Variants in ZNF385D observed in about 807,000 individuals in gnomAD.
ZNF385D encodes the protein zinc finger protein 385D, also known as zinc finger protein 659.
A neutral mutation model predicts 35.8 loss-of-function variants in ZNF385D; 15 were observed. That is an observed-to-expected ratio of 0.42 (90% CI 0.28 to 0.64). The LOEUF (loss-of-function observed/expected upper bound fraction) is 0.64, where lower values mean the gene tolerates loss of function less well. Among genes scored for constraint, ZNF385D ranks in the 30% least tolerant of loss-of-function variants. The pLI, the probability that ZNF385D is intolerant of heterozygous loss-of-function variation, is 0.23. For synonymous variants in ZNF385D, 212 were observed against 186.8 expected, an observed-to-expected ratio of 1.13 and a Z score of -1.10; for missense variants, 474 against 494.6, an observed-to-expected ratio of 0.96 and a Z score of 0.39.
intron 2 of ZNF385D, among the ~76,000 whole-genome samples, chr3:22,187,721 A>G (rs1695731973): frequency 6.6e-6 from 1 of 152,208 alleles, no homozygotes; most frequent in Non-Finnish European, 1.5e-5. Context: ...ATTGGTTTAT[A>G]ACTTGTGGAG....
At position 21,628,738 on chromosome 3, in the gene ZNF385D, C is replaced by G. The variant is rs138783612; in HGVS notation, c.165+36148G>C. Reference sequence around the variant, plus strand: ...TAAGTCTAGGAAGGGGCCAGGGAATCTGAATTGTGATAAGCACTCCTGGTG... The same window carrying G: ...TAAGTCTAGGAAGGGGCCAGGGAATGTGAATTGTGATAAGCACTCCTGGTG... On this transcript the variant is annotated intron_variant, in intron 2 of 7. Transcript: ENST00000281523. Among the ~76,000 whole-genome samples the G allele has an allele frequency of 1.6e-3, 250 of 152,118 alleles. 2 individuals carry two copies. Among genetic ancestry groups the G allele is most frequent in the Admixed American group, 3.7e-3 (56 of 15,264 alleles).
intron 2 of ZNF385D, among the ~76,000 whole-genome samples, chr3:22,275,435 G>A (rs1701378894): frequency 6.6e-6 from 1 of 151,972 alleles, no homozygotes; most frequent in Non-Finnish European, 1.5e-5. Flanking sequence ...AAAGTACAAT[G>A]GTTCTTTGAC....
intron 3 of ZNF385D, among the ~76,000 whole-genome samples, chr3:21,796,887 G>A (rs1287016013): frequency 6.6e-6 from 1 of 152,148 alleles, no homozygotes; most frequent in Non-Finnish European, 1.5e-5. Context: ...TACACAGTGG[G>A]TGATACAGGA....
chr3:21,663,347 A>C (rs1242022073), intron 2 of ZNF385D, among the ~76,000 whole-genome samples: 2 of 152,150 alleles, frequency 1.3e-5, no homozygotes, highest in Non-Finnish European at 2.9e-5. Flanking sequence ...CAAAAGTTTT[A>C]AATCCAGCCT....
intron 3 of ZNF385D, among the ~76,000 whole-genome samples, chr3:21,977,419 G>A (rs1576062210): frequency 6.6e-6 from 1 of 152,236 alleles, no homozygotes; most frequent in Middle Eastern, 3.4e-3. Flanking sequence ...AATATTGGTT[G>A]TATTTGGCTT....
intron 2 of ZNF385D, among the ~76,000 whole-genome samples, chr3:21,650,926 T>C (rs892098272): frequency 6.6e-6 from 1 of 152,140 alleles, no homozygotes; most frequent in African/African-American, 2.4e-5. Context: ...TATGTTAGCT[T>C]TTATTTTTGC....
intron 2 of ZNF385D, among the ~76,000 whole-genome samples, chr3:22,352,185 G>C (rs538698825): frequency 7.9e-5 from 12 of 151,964 alleles, no homozygotes; most frequent in African/African-American, 2.9e-4. Context: ...TACTTTTCCC[G>C]GCACATGTGA....
chr3:21,770,903 G>A (rs1183235331), intron 3 of ZNF385D, among the ~76,000 whole-genome samples: 7 of 152,092 alleles, frequency 4.6e-5, no homozygotes, highest in African/African-American at 9.7e-5. Context: ...GGAATACAAT[G>A]CAGCCATAAA....
chr3:21,795,412 T>G (rs1296761058), intron 3 of ZNF385D, among the ~76,000 whole-genome samples: 1 of 152,234 alleles, frequency 6.6e-6, no homozygotes, highest in Non-Finnish European at 1.5e-5. Context: ...GCGGGGCACA[T>G]AGCCATTAGC....
chr3:22,224,727 C>G (rs1698454344), intron 2 of ZNF385D, among the ~76,000 whole-genome samples: 1 of 152,174 alleles, frequency 6.6e-6, no homozygotes, highest in Non-Finnish European at 1.5e-5. Flanking sequence ...CCCATCACTA[C>G]TCACTGATAA....
At chr3:21,781,437 A>C (rs566761938) in intron 3 of ZNF385D, among the ~76,000 whole-genome samples, 1 of 152,104 alleles carries the variant, frequency 6.6e-6, no homozygotes, top group Non-Finnish European at 1.5e-5. Flanking sequence ...AATCTGGCAC[A>C]GCAAACATTA....
At chr3:21,434,073 G>C (rs187122920) in intron 5 of ZNF385D, among the ~76,000 whole-genome samples, 3 of 152,286 alleles carry the variant, frequency 2.0e-5, no homozygotes, top group African/African-American at 7.2e-5. Context: ...TAAATATGAA[G>C]AAATAGAATC....
chr3:22,077,873 C>T (rs868589804), intron 3 of ZNF385D, among the ~76,000 whole-genome samples: 2 of 151,854 alleles, frequency 1.3e-5, no homozygotes, highest in South Asian at 4.2e-4. Flanking sequence ...GTGAGACACC[C>T]CCCACTCCAC....
At chr3:22,137,665 T>C (rs1335999006) in intron 3 of ZNF385D, among the ~76,000 whole-genome samples, 1 of 152,182 alleles carries the variant, frequency 6.6e-6, no homozygotes, top group Admixed American at 6.5e-5. Context: ...TGATGGGACG[T>C]ATCTCAAAAT....
chr3:21,550,941 T>C (rs1457985925), intron 3 of ZNF385D, among the ~76,000 whole-genome samples: 1 of 152,234 alleles, frequency 6.6e-6, no homozygotes, highest in East Asian at 1.9e-4. Context: ...TAATGAATGC[T>C]TGACAGTCCT....
At chr3:21,753,760 T>G (rs1046645097), upstream of ZNF385D, among the ~76,000 whole-genome samples, 1 of 87,000 alleles carries the variant, frequency 1.1e-5, no homozygotes, top group South Asian at 5.2e-4. Flanking sequence ...AAAATGCAAC[T>G]TTGGTGGTTG....
chr3:21,605,888 A>C (rs2064464308), intron 2 of ZNF385D, among the ~76,000 whole-genome samples: 1 of 152,208 alleles, frequency 6.6e-6, no homozygotes, highest in Non-Finnish European at 1.5e-5. Flanking sequence ...AATCCACACT[A>C]TCCATTTGAT....
chr3:21,990,788 A>C (rs1211347345), intron 3 of ZNF385D, among the ~76,000 whole-genome samples: 1 of 152,238 alleles, frequency 6.6e-6, no homozygotes, highest in Non-Finnish European at 1.5e-5. Context: ...TTGCTAACTC[A>C]GATGGGAAAA....
chr3:22,353,796 T>A (rs1452703104), intron 2 of ZNF385D, among the ~76,000 whole-genome samples: 1 of 152,138 alleles, frequency 6.6e-6, no homozygotes, highest in Non-Finnish European at 1.5e-5. Flanking sequence ...TACACTTTCC[T>A]ATTAACTGAG....
Sources: allele counts gnomAD v4.1 joint callset (sites outside exome capture counted in the v4.1 genomes callset), GRCh38; gene constraint gnomAD v4.1.1; transcripts MANE v1.5; gene names NCBI Gene and HGNC (gene_info 2026-07-23, HGNC 2026-07-21).